Variants in TENM4 observed in about 807,000 individuals in gnomAD.
The protein encoded by TENM4 is teneurin-4.
A neutral mutation model predicts 243.3 loss-of-function variants in TENM4; 82 were observed. The ratio of observed to expected loss-of-function variants is 0.34; its 90% confidence interval spans 0.28 to 0.40. The LOEUF is 0.40. Ranked by LOEUF, TENM4 falls within the 10% of genes least tolerant of loss-of-function variation. The pLI is 1.00. For missense variants in TENM4, 3,138 were observed against 3,673.3 expected (o/e 0.85, Z 3.77); for synonymous variants, 1,412 against 1,456.3 (o/e 0.97, Z 0.69).
intron 27 of TENM4, among the ~76,000 whole-genome samples, chr11:78,706,650 T>A (rs1377584294): frequency 1.3e-5 from 2 of 152,238 alleles, no homozygotes; most frequent in Non-Finnish European, 2.9e-5. Flanking sequence ...TTAGCATTTT[T>A]TTCCCCCTCC....
At chr11:78,792,301 C>T (rs1857072948) in intron 15 of TENM4, among the ~76,000 whole-genome samples, 1 of 152,158 alleles carries the variant, frequency 6.6e-6, no homozygotes, top group African/African-American at 2.4e-5. Context: ...CCTCTGGTCA[C>T]CTAGCATGGC....
At chr11:79,369,542 A>G (rs1857742823) in intron 1 of TENM4, among the ~76,000 whole-genome samples, 1 of 152,218 alleles carries the variant, frequency 6.6e-6, no homozygotes, top group African/African-American at 2.4e-5. Flanking sequence ...ATTGATAGCC[A>G]GGGAAAGAGA....
At chr11:79,315,530 G>A (rs893417098) in intron 1 of TENM4, among the ~76,000 whole-genome samples, 1 of 152,210 alleles carries the variant, frequency 6.6e-6, no homozygotes, top group Non-Finnish European at 1.5e-5. Flanking sequence ...TGTCCATGGT[G>A]CTGAACAATC....
chr11:79,064,700 C>A (rs1176006236), intron 6 of TENM4, 38 bp downstream of exon 6: 49 of 1,549,668 alleles, frequency 3.2e-5, no homozygotes, highest in Non-Finnish European at 4.1e-5. Flanking sequence ...CCAGCCCCAC[C>A]ACCCAGGCAC....
chr11:79,215,911 T>C lies in TENM4; in HGVS notation c.-264-2A>G. ...CTGGAGGATGGTGCGGGATCTTTTCTGTTGAAGCAGAGAACACAGATCCAA... is the reference window on the plus strand; with the variant it reads ...CTGGAGGATGGTGCGGGATCTTTTCCGTTGAAGCAGAGAACACAGATCCAA... On this transcript the variant is annotated splice_acceptor_variant, in intron 2 of 33. Transcript: ENST00000278550. LOFTEE classifies it low-confidence loss of function (5UTR_SPLICE). 3.1e-6 allele frequency: 3 copies of C among 973,164 alleles called. No individual in the cohort carries two copies. The highest frequency in any genetic ancestry group is 3.7e-6 in the Non-Finnish European group (3 of 818,362). The allele number at this position is 973,164 out of a possible 1,614,324, so 60.3% of individuals were successfully genotyped here.
intron 1 of TENM4, among the ~76,000 whole-genome samples, chr11:79,389,677 A>G (rs1215273294): frequency 2.6e-5 from 4 of 152,254 alleles, no homozygotes; most frequent in Non-Finnish European, 5.9e-5. Context: ...TGTAGGGAGC[A>G]TGAACTCCAA....
intron 9 of TENM4, among the ~76,000 whole-genome samples, chr11:78,864,914 A>G (rs1055643039): frequency 6.6e-6 from 1 of 152,144 alleles, no homozygotes; most frequent in Non-Finnish European, 1.5e-5. Flanking sequence ...GCAAGACCAG[A>G]AGGCCTAGAG....
At chr11:78,993,798 C>T (rs1452513374) in intron 6 of TENM4, among the ~76,000 whole-genome samples, 1 of 152,132 alleles carries the variant, frequency 6.6e-6, no homozygotes, top group Non-Finnish European at 1.5e-5. Context: ...TTTATAGTAT[C>T]TATTTTCAAA....
chr11:79,272,731 T>A (rs1015507032), intron 2 of TENM4, among the ~76,000 whole-genome samples: 1 of 152,104 alleles, frequency 6.6e-6, no homozygotes, highest in African/African-American at 2.4e-5. Context: ...CTGGGCTGAC[T>A]TTCAAATCAG....
intron 18 of TENM4, among the ~76,000 whole-genome samples, chr11:78,767,702 C>G (rs2135985749): frequency 6.6e-6 from 1 of 152,338 alleles, no homozygotes; most frequent in South Asian, 2.1e-4. Flanking sequence ...AGACTTGAGT[C>G]ATATCATCTA....
rs949085297 is a variant in TENM4 at position 79,105,035 on chromosome 11, T to C, written c.-65-35026A>G. 2.2e-4 allele frequency among the ~76,000 whole-genome samples: 34 copies of C among 152,216 alleles called. 1 individual carries two copies. The highest frequency in any genetic ancestry group is 2.2e-3 in the Admixed American group (34 of 15,290). On this transcript the variant is annotated intron_variant, in intron 4 of 33. Coordinates refer to ENST00000278550, the MANE Select transcript of TENM4 (RefSeq NM_001098816.3). Reference sequence around the variant, plus strand: ...TAGAATACATAAATACATTCATGCATGTGCCAGAAAGATGCAATTTACAAT... The same window carrying C: ...TAGAATACATAAATACATTCATGCACGTGCCAGAAAGATGCAATTTACAAT...
intron 6 of TENM4, among the ~76,000 whole-genome samples, chr11:79,018,267 T>C (rs1345692517): frequency 2.0e-5 from 3 of 152,194 alleles, no homozygotes; most frequent in Admixed American, 6.5e-5. Context: ...ATCCCATTCA[T>C]TCTGAGCCAT....
At chr11:79,114,920 A>G (rs1470446436) in intron 4 of TENM4, among the ~76,000 whole-genome samples, 1 of 152,220 alleles carries the variant, frequency 6.6e-6, no homozygotes. Context: ...GGCAGGGGAT[A>G]TTTAGCACAT....
chr11:79,264,704 A>C (rs1855854938), intron 2 of TENM4, among the ~76,000 whole-genome samples: 1 of 152,220 alleles, frequency 6.6e-6, no homozygotes, highest in Non-Finnish European at 1.5e-5. Flanking sequence ...CTAAAATCAC[A>C]GGGTAGGACT....
At chr11:79,182,739 A>T (rs1327216750) in intron 3 of TENM4, among the ~76,000 whole-genome samples, 2 of 152,200 alleles carry the variant, frequency 1.3e-5, no homozygotes, top group African/African-American at 4.8e-5. Context: ...AAACAACCTG[A>T]TTTAAAATTG....
At chr11:78,958,490 G>C (rs1857253290) in intron 6 of TENM4, among the ~76,000 whole-genome samples, 6 of 152,190 alleles carry the variant, frequency 3.9e-5, no homozygotes, top group African/African-American at 1.4e-4. Context: ...ATTACCCTTG[G>C]GGAAGGATTA....
chr11:79,176,800 C>T (rs944555849), intron 3 of TENM4, among the ~76,000 whole-genome samples: 2 of 152,060 alleles, frequency 1.3e-5, no homozygotes, highest in African/African-American at 4.8e-5. Flanking sequence ...CATGTAAATA[C>T]AATCATTTTA....
At chr11:78,660,144 A>G (rs2135628357) in intron 33 of TENM4, among the ~76,000 whole-genome samples, 1 of 152,272 alleles carries the variant, frequency 6.6e-6, no homozygotes, top group South Asian at 2.1e-4. Flanking sequence ...CCCTGGGAAG[A>G]GCAAATGCCA....
intron 1 of TENM4, among the ~76,000 whole-genome samples, chr11:79,334,733 T>C (rs777942827): frequency 9.2e-5 from 14 of 152,244 alleles, no homozygotes; most frequent in African/African-American, 2.2e-4. Context: ...AACAATCTTA[T>C]GATCTTGAAC....
Sources: allele counts gnomAD v4.1 joint callset (sites outside exome capture counted in the v4.1 genomes callset), GRCh38; gene constraint gnomAD v4.1.1; transcripts MANE v1.5; gene names NCBI Gene and HGNC (gene_info 2026-07-23, HGNC 2026-07-21).